The following LRRC8C variants were observed in gnomAD, a reference collection of about 807,000 sequenced individuals.
LRRC8C encodes leucine rich repeat containing 8 VRAC subunit C, also known as volume-regulated anion channel subunit LRRC8C.
In LRRC8C, 20 loss-of-function variants were observed where a neutral mutation model predicts 55.3. That is an observed-to-expected ratio of 0.36 (90% confidence interval 0.25 to 0.53). LRRC8C has a LOEUF of 0.53. LRRC8C is among the 20% of genes least tolerant of loss of function. LRRC8C has a pLI of 0.92. For synonymous variants in LRRC8C, 376 were observed against 360.7 expected, an observed-to-expected ratio of 1.04 and a Z score of -0.48; for missense variants, 659 against 951.4, an observed-to-expected ratio of 0.69 and a Z score of 4.04.
the LRRC8C span, among the ~76,000 whole-genome samples, chr1:89,621,301 A>G: frequency 0.016 from 656 of 41,920 alleles, 5 homozygotes; most frequent in Non-Finnish European, 0.022. Context: ...TCTACTAAAA[A>G]AAAAAAAAAA....
At chr1:89,681,597 A>C (rs1311595688) in intron 1 of LRRC8C, among the ~76,000 whole-genome samples, 1 of 152,214 alleles carries the variant, frequency 6.6e-6, no homozygotes, top group African/African-American at 2.4e-5. Context: ...GCAAAGGCAC[A>C]TCTTACATGG....
intron 1 of LRRC8C, among the ~76,000 whole-genome samples, chr1:89,665,992 A>C (rs1435693431): frequency 6.6e-6 from 1 of 152,224 alleles, no homozygotes; most frequent in Non-Finnish European, 1.5e-5. Flanking sequence ...GTACAGATTT[A>C]TAGCCTAGGA....
chr1:89,647,497 G>A (rs1656647710), intron 1 of LRRC8C, among the ~76,000 whole-genome samples: 1 of 151,900 alleles, frequency 6.6e-6, no homozygotes, highest in Non-Finnish European at 1.5e-5. Context: ...GTTTCATTTC[G>A]GTATTTTGAA....
chr1:89,709,267 T>C (rs952573099), intron 2 of LRRC8C, among the ~76,000 whole-genome samples: 1 of 152,264 alleles, frequency 6.6e-6, no homozygotes, highest in Non-Finnish European at 1.5e-5. Context: ...ATTTCCTAGC[T>C]GCGTGAACTT....
Position 89,668,876 on chromosome 1 carries a change from A to G in LRRC8C, c.-4-17594A>G, listed in dbSNP as rs548231251. Among the ~76,000 whole-genome samples, 5 of 152,174 alleles carry G rather than the reference A, an allele frequency of 3.3e-5. No individual in the cohort carries two copies. The South Asian group carries it at 1.0e-3, about 32-fold the overall frequency. ...ATTATATGTCAATTATATACCTTTT[A>G]TTTCCTATTTAACCAACACAATTTT... On this transcript the variant is annotated intron_variant, in intron 1 of 2. Coordinates refer to ENST00000370454, the MANE Select transcript of LRRC8C (RefSeq NM_032270.5).
chr1:89,628,606 T>C (rs998873626), upstream of LRRC8C, among the ~76,000 whole-genome samples: 4 of 152,278 alleles, frequency 2.6e-5, no homozygotes, highest in Admixed American at 2.6e-4. Context: ...AGAAATATGA[T>C]TGGACAAAAG....
chr1:89,689,319 G>A (rs1657965226), intron 2 of LRRC8C, among the ~76,000 whole-genome samples: 1 of 152,174 alleles, frequency 6.6e-6, no homozygotes, highest in Non-Finnish European at 1.5e-5. Context: ...TAAAAGGTGA[G>A]GCCCGAGACA....
chr1:89,701,333 G>T (rs557900836), intron 2 of LRRC8C, among the ~76,000 whole-genome samples: 2 of 151,924 alleles, frequency 1.3e-5, no homozygotes, highest in African/African-American at 4.8e-5. Context: ...AAAATTAGCC[G>T]GGCGTGGTGG....
At chr1:89,705,340 G>A (rs1658446884) in intron 2 of LRRC8C, among the ~76,000 whole-genome samples, 2 of 151,028 alleles carry the variant, frequency 1.3e-5, no homozygotes, top group South Asian at 4.2e-4. Context: ...GAGTTAGTGG[G>A]TGCAGCGCAC....
the LRRC8C span, among the ~76,000 whole-genome samples, chr1:89,627,457 G>A: frequency 1.3e-5 from 2 of 152,078 alleles, no homozygotes; most frequent in Non-Finnish European, 2.9e-5. Context: ...GCTTTCAGTT[G>A]TAAAGTGCTT....
intron 2 of LRRC8C, among the ~76,000 whole-genome samples, chr1:89,696,266 A>T (rs1658168266): frequency 6.6e-6 from 1 of 152,206 alleles, no homozygotes; most frequent in Admixed American, 6.5e-5. Flanking sequence ...CCACATTATC[A>T]GTTTCCTGGT....
chr1:89,632,748 T>C (rs939167866), upstream of LRRC8C: 3 of 152,188 alleles, frequency 2.0e-5, no homozygotes, highest in Non-Finnish European at 2.9e-5. Context: ...GTGGAGGTGG[T>C]ATTAGACGCA....
intron 1 of LRRC8C, among the ~76,000 whole-genome samples, chr1:89,635,203 T>C (rs1656242727): frequency 6.6e-6 from 1 of 152,234 alleles, no homozygotes; most frequent in African/African-American, 2.4e-5. Context: ...TAGAAATATG[T>C]TTAACTCCCA....
chr1:89,712,139 T>C (rs1376152230), intron 2 of LRRC8C, among the ~76,000 whole-genome samples: 1 of 152,110 alleles, frequency 6.6e-6, no homozygotes, highest in Non-Finnish European at 1.5e-5. Flanking sequence ...TGAGACAAAA[T>C]TTTGTTCTTG....
intron 2 of LRRC8C, among the ~76,000 whole-genome samples, chr1:89,696,476 GA>G (rs1195229045): frequency 6.6e-6 from 1 of 152,230 alleles, no homozygotes; most frequent in East Asian, 1.9e-4. Context: ...GGGGAGAGGG[GA>G]AGGGGAAGGG....
chr1:89,638,133 G>A (rs369163451), intron 1 of LRRC8C, among the ~76,000 whole-genome samples: 8 of 152,158 alleles, frequency 5.3e-5, no homozygotes, highest in African/African-American at 1.7e-4. Flanking sequence ...ATCCAGGAGA[G>A]CTATATGTTC....
chr1:89,659,374 T>G (rs957558902), intron 1 of LRRC8C, among the ~76,000 whole-genome samples: 7 of 152,188 alleles, frequency 4.6e-5, no homozygotes, highest in African/African-American at 1.7e-4. Flanking sequence ...TAAAAACAGA[T>G]TACCTGGGTT....
At chr1:89,662,817 A>G (rs1202284352) in intron 1 of LRRC8C, among the ~76,000 whole-genome samples, 1 of 151,840 alleles carries the variant, frequency 6.6e-6, no homozygotes, top group East Asian at 1.9e-4. Context: ...TTATTTTCCT[A>G]TGTTTCTTTT....
At chr1:89,656,768 C>T (rs1449119606) in intron 1 of LRRC8C, among the ~76,000 whole-genome samples, 1 of 152,168 alleles carries the variant, frequency 6.6e-6, no homozygotes, top group Non-Finnish European at 1.5e-5. Context: ...GTGGAACATA[C>T]AGTAAATTGG....
Sources: gnomAD v4.1 joint callset for allele counts (sites outside exome capture counted in the v4.1 genomes callset) on GRCh38, gnomAD v4.1.1 for gene constraint, MANE v1.5 for transcripts, NCBI Gene and HGNC (gene_info 2026-07-23, HGNC 2026-07-21) for gene names.